Variants in RSU1 observed in about 807,000 individuals in gnomAD.
RSU1 encodes the protein Ras suppressor protein 1, also known as rsu-1.
A neutral mutation model predicts 31.1 loss-of-function variants in RSU1; 26 were observed. The observed-to-expected ratio is 0.84, with a 90% CI of 0.61 to 1.16. The LOEUF (loss-of-function observed/expected upper bound fraction) is 1.16, where lower values mean the gene tolerates loss of function less well. Ranked by LOEUF, RSU1 falls within the 50% of genes most tolerant of loss-of-function variation. The pLI is 0.00. For synonymous variants in RSU1, 164 were observed against 136.3 expected (o/e 1.20, Z -1.41); for missense variants, 320 against 339.1 (o/e 0.94, Z 0.44).
chr10:16,798,368 C>A (rs1838083857), intron 2 of RSU1, among the ~76,000 whole-genome samples: 1 of 152,194 alleles, frequency 6.6e-6, no homozygotes, highest in Admixed American at 6.5e-5. Flanking sequence ...CAAATCTCAT[C>A]TTGAACTGTA....
At chr10:16,600,418 T>C (rs1833697689) in intron 8 of RSU1, among the ~76,000 whole-genome samples, 1 of 152,134 alleles carries the variant, frequency 6.6e-6, no homozygotes. Context: ...TCAAGCTCCG[T>C]GCAACTGACC....
chr10:16,681,233 T>C (rs551382475), intron 8 of RSU1, among the ~76,000 whole-genome samples: 5 of 152,336 alleles, frequency 3.3e-5, no homozygotes, highest in Admixed American at 6.5e-5. Context: ...TTCTCTAACC[T>C]ATTAAGATGC....
At chr10:16,629,691 C>T (rs547620733) in intron 8 of RSU1, among the ~76,000 whole-genome samples, 19 of 152,326 alleles carry the variant, frequency 1.2e-4, no homozygotes, top group South Asian at 4.1e-4. Flanking sequence ...CTCAACCATA[C>T]TTGTTCTGCT....
At chr10:16,618,524 C>G (rs916031627) in intron 8 of RSU1, among the ~76,000 whole-genome samples, 2 of 152,186 alleles carry the variant, frequency 1.3e-5, no homozygotes, top group African/African-American at 4.8e-5. Context: ...GACACATGCA[C>G]ACGTATATTT....
intron 8 of RSU1, among the ~76,000 whole-genome samples, chr10:16,627,275 C>A (rs1834174719): frequency 6.6e-6 from 1 of 152,200 alleles, no homozygotes; most frequent in Admixed American, 6.5e-5. Flanking sequence ...ACAGTCAATT[C>A]TATTCCCTTT....
chr10:16,642,453 T>C (rs1834461035), intron 8 of RSU1, among the ~76,000 whole-genome samples: 1 of 152,182 alleles, frequency 6.6e-6, no homozygotes, highest in Non-Finnish European at 1.5e-5. Flanking sequence ...GTCTCTAACC[T>C]TTCCTATCAG....
At chr10:16,781,254 C>T (rs774489165) in intron 3 of RSU1, among the ~76,000 whole-genome samples, 1 of 152,062 alleles carries the variant, frequency 6.6e-6, no homozygotes, top group African/African-American at 2.4e-5. Context: ...CACAGCTCTA[C>T]GAAGAAAACG....
intron 8 of RSU1, among the ~76,000 whole-genome samples, chr10:16,604,051 C>T (rs938532269): frequency 6.6e-6 from 1 of 152,134 alleles, no homozygotes; most frequent in South Asian, 2.1e-4. Flanking sequence ...GATACAGTCA[C>T]CAATGATCAC....
chr10:16,794,598 C>T (rs1012059475), intron 2 of RSU1, among the ~76,000 whole-genome samples: 1 of 152,196 alleles, frequency 6.6e-6, no homozygotes, highest in Admixed American at 6.5e-5. Flanking sequence ...ACTTAAGCTC[C>T]TCAATTTACA....
In RSU1 at chr10:16,696,835, T is replaced by C. The variant is rs1424747082; in HGVS notation, c.599-1680A>G. ...TCATCTTGTTGGCAAGGGGCTGCCATTGATCTTTGTTTTTATCTTTACTTA... is the reference window on the plus strand; with the variant it reads ...TCATCTTGTTGGCAAGGGGCTGCCACTGATCTTTGTTTTTATCTTTACTTA... On this transcript the variant is annotated intron_variant, in intron 7 of 8. Coordinates refer to ENST00000345264, the MANE Select transcript of RSU1 (RefSeq NM_012425.4). 2.2e-5 allele frequency among the ~76,000 whole-genome samples: 3 copies of C among 133,458 alleles called. No homozygotes were observed. The Admixed American group carries it at 2.3e-4, about 10-fold the overall frequency. 87.6% of individuals were successfully genotyped at this position (133,458 alleles called of 152,430 possible).
At chr10:16,652,247 T>C (rs187699190) in intron 8 of RSU1, among the ~76,000 whole-genome samples, 17 of 151,804 alleles carry the variant, frequency 1.1e-4, no homozygotes, top group Non-Finnish European at 1.3e-4. Flanking sequence ...AACGAAAAAC[T>C]GGAAAATTCT....
chr10:16,813,190 A>C (rs1334474681), intron 2 of RSU1, among the ~76,000 whole-genome samples: 1 of 152,146 alleles, frequency 6.6e-6, no homozygotes. Context: ...TGTTCTTGGA[A>C]GCTTTAACGA....
intron 4 of RSU1, among the ~76,000 whole-genome samples, chr10:16,760,920 T>A (rs900133362): frequency 1.3e-5 from 2 of 152,162 alleles, no homozygotes; most frequent in African/African-American, 4.8e-5. Context: ...AGGGTCAGTA[T>A]AAAATTGGAG....
At chr10:16,695,500 C>T (rs1280886389) in intron 7 of RSU1, among the ~76,000 whole-genome samples, 1 of 152,200 alleles carries the variant, frequency 6.6e-6, no homozygotes, top group African/African-American at 2.4e-5. Flanking sequence ...TTGACCATGT[C>T]AGTATGCATC....
intron 7 of RSU1, among the ~76,000 whole-genome samples, chr10:16,728,911 G>A (rs1375904547): frequency 2.0e-5 from 3 of 152,174 alleles, no homozygotes; most frequent in East Asian, 1.9e-4. Flanking sequence ...TGAAGGAAGT[G>A]ACTTGGGTGA....
At position 16,816,970 on chromosome 10, in the gene RSU1, C is replaced by T. The variant is rs1253218751; in HGVS notation, c.109+3G>A. 1 of 1,608,926 alleles carries T rather than the reference C, an allele frequency of 6.2e-7. No homozygotes were observed. Among genetic ancestry groups the T allele is most frequent in the African/African-American group, 1.3e-5 (1 of 74,954 alleles). On this transcript the variant is annotated splice_donor_region_variant and intron_variant, in intron 2 of 8. Coordinates refer to ENST00000345264, the MANE Select transcript of RSU1 (RefSeq NM_012425.4). ...CACGGGAGAGTCCTGCCCGAGAACT[C>T]ACAGAGGCCGTTGACATCCAGCATG...
chr10:16,759,852 A>G (rs916872015), intron 4 of RSU1, among the ~76,000 whole-genome samples: 1 of 152,246 alleles, frequency 6.6e-6, no homozygotes, highest in African/African-American at 2.4e-5. Context: ...TGTAAATACT[A>G]TAAAAACTTT....
intron 8 of RSU1, among the ~76,000 whole-genome samples, chr10:16,669,334 T>C (rs576586345): frequency 2.6e-5 from 4 of 152,162 alleles, no homozygotes; most frequent in African/African-American, 7.2e-5. Flanking sequence ...GTGATTTCTG[T>C]TGTATTGTCT....
At chr10:16,722,780 GTGTA>G (rs1408694728) in intron 7 of RSU1, among the ~76,000 whole-genome samples, 7 of 151,298 alleles carry the variant, frequency 4.6e-5, no homozygotes, top group African/African-American at 9.7e-5. Flanking sequence ...CTGTATATAT[GTGTA>G]TGTGTGTGTC....
Sources: allele counts gnomAD v4.1 joint callset (sites outside exome capture counted in the v4.1 genomes callset), GRCh38; gene constraint gnomAD v4.1.1; transcripts MANE v1.5; gene names NCBI Gene and HGNC (gene_info 2026-07-23, HGNC 2026-07-21).